The following UHMK1 variants were observed in gnomAD, a reference collection of about 807,000 sequenced individuals.
UHMK1 encodes the protein serine/threonine-protein kinase Kist.
UHMK1 carries 18 observed loss-of-function variants against 44.0 expected under a neutral mutation model. The ratio of observed to expected loss-of-function variants is 0.41; its 90% confidence interval spans 0.28 to 0.61. The LOEUF (loss-of-function observed/expected upper bound fraction) is 0.61, where lower values mean the gene tolerates loss of function less well. UHMK1 is among the 20% of genes least tolerant of loss of function. UHMK1 has a pLI of 0.31. For missense variants in UHMK1, 463 were observed against 522.5 expected (o/e 0.89, Z 1.11); for synonymous variants, 231 against 198.5 (o/e 1.16, Z -1.38).
Position 162,526,959 on chromosome 1 carries a change from TA to T in UHMK1, c.*4411del, listed in dbSNP as rs1241904024. On this transcript the variant is annotated 3_prime_UTR_variant, in exon 8 of 8. Coordinates refer to ENST00000489294, the MANE Select transcript of UHMK1 (RefSeq NM_175866.5). ...TTAGCTCAAAAGAATCCCCATTTCT[TA>T]AGGTGCTCAGTCAATCACCTTTATT... 3.9e-5 allele frequency: 6 copies of T among 152,248 alleles called. No homozygotes were observed. The highest frequency in any genetic ancestry group is 1.4e-4 in the African/African-American group (6 of 41,568). 9.4% of individuals were successfully genotyped at this position (152,248 alleles called of 1,614,324 possible). A position where few individuals can be genotyped will look rare whatever the true frequency, so the allele number is the denominator to read the frequency against.
At chr1:162,520,151 C>T (rs1652004498) in intron 7 of UHMK1, among the ~76,000 whole-genome samples, 1 of 152,204 alleles carries the variant, frequency 6.6e-6, no homozygotes, top group African/African-American at 2.4e-5. Flanking sequence ...GATTCAGTCT[C>T]CCTAAGTGCT....
chr1:162,526,949 C>G lies in UHMK1; in HGVS notation c.*4399C>G, dbSNP rs983027717. On this transcript the variant is annotated 3_prime_UTR_variant, in exon 8 of 8. Transcript: ENST00000489294. ...TTGGTCACAATTAGCTCAAAAGAAT[C>G]CCCATTTCTTAAGGTGCTCAGTCAA... 6 of 152,048 alleles carry G rather than the reference C, an allele frequency of 3.9e-5. No homozygotes were observed. Among genetic ancestry groups the G allele is most frequent in the Non-Finnish European group, 8.8e-5 (6 of 67,934 alleles). The allele number at this position is 152,048 out of a possible 1,614,324, so 9.4% of individuals were successfully genotyped here. A position where few individuals can be genotyped will look rare whatever the true frequency, so the allele number is the denominator to read the frequency against.
In UHMK1 at chr1:162,522,605, C is replaced by T; in HGVS notation, c.*55C>T. 1 of 1,571,208 alleles carries T rather than the reference C, an allele frequency of 6.4e-7. No homozygotes were observed. Among genetic ancestry groups the T allele is most frequent in the Non-Finnish European group, 8.7e-7 (1 of 1,151,714 alleles). Reference sequence around the variant, plus strand: ...TCCTCTTCCATTTCTTGGGTTATTCCACATATGAATGCAGGACTACCCCCT... The same window carrying T: ...TCCTCTTCCATTTCTTGGGTTATTCTACATATGAATGCAGGACTACCCCCT... On this transcript the variant is annotated 3_prime_UTR_variant, in exon 8 of 8. Transcript: ENST00000489294.
At chr1:162,501,222 T>C in intron 3 of UHMK1, 118 bp downstream of exon 3, 2 of 1,022,930 alleles carry the variant, frequency 2.0e-6, no homozygotes, top group Non-Finnish European at 2.8e-6. Flanking sequence ...CAGGCTGGAG[T>C]GCAGTGGCGC....
chr1:162,514,126 A>C (rs562448089), intron 6 of UHMK1, among the ~76,000 whole-genome samples: 1 of 152,092 alleles, frequency 6.6e-6, no homozygotes, highest in South Asian at 2.1e-4. Context: ...TTAAGAGTGT[A>C]GGCTTAACAA....
In UHMK1 at chr1:162,512,807, TG is replaced by T; in HGVS notation, c.1009del (p.Glu337LysfsTer8). On this transcript the variant is annotated frameshift_variant, in exon 6 of 8. Transcript: ENST00000489294. LOFTEE classifies it high-confidence loss of function. ...TGCTGGATGATGATTATCTTGAGAA[TG>T]AAGAGGAATATGAAGGTTAGTGTTT... ...NVLDDDYLENEEEYEDVVEDV... is the reference protein window; with the variant it reads ...NVLDDDYLENXEEYEDVVEDV... The T allele has an allele frequency of 1.2e-6, 2 of 1,614,166 alleles. No homozygotes were observed. The highest frequency in any genetic ancestry group is 1.7e-6 in the Non-Finnish European group (2 of 1,179,996).
At chr1:162,515,809 T>G (rs1308562411) in intron 6 of UHMK1, among the ~76,000 whole-genome samples, 1 of 151,792 alleles carries the variant, frequency 6.6e-6, no homozygotes, top group Non-Finnish European at 1.5e-5. Flanking sequence ...CCGAGGCGGA[T>G]GGATCACGAG....
At chr1:162,507,218 C>A (rs548841520) in intron 4 of UHMK1, among the ~76,000 whole-genome samples, 3 of 151,704 alleles carry the variant, frequency 2.0e-5, no homozygotes, top group Admixed American at 1.3e-4. Context: ...CCCCTGGGTT[C>A]AAGCAATTCT....
At chr1:162,519,594 G>A (rs553721054) in intron 7 of UHMK1, among the ~76,000 whole-genome samples, 125 of 152,182 alleles carry the variant, frequency 8.2e-4, no homozygotes, top group Non-Finnish European at 1.4e-3. Flanking sequence ...TGTTATCACC[G>A]CATTTTCTTT....
rs1476263042 is a variant in UHMK1 at position 162,527,315 on chromosome 1, G to A, written c.*4765G>A. On this transcript the variant is annotated 3_prime_UTR_variant, in exon 8 of 8. Coordinates refer to ENST00000489294, the MANE Select transcript of UHMK1 (RefSeq NM_175866.5). ...TAGCATGTACTTGACAAGTGCCATG[G>A]ATATTTAAGAAGAAGGTAAATAATT... is the stretch of plus-strand genomic sequence containing the variant. The A allele has an allele frequency of 6.6e-6, 1 of 151,988 alleles. No homozygotes were observed. Among genetic ancestry groups the A allele is most frequent in the African/African-American group, 2.4e-5 (1 of 41,414 alleles). The allele number at this position is 151,988 out of a possible 1,614,324, so 9.4% of individuals were successfully genotyped here. A position where few individuals can be genotyped will look rare whatever the true frequency, so the allele number is the denominator to read the frequency against.
chr1:162,522,205 A>G (rs1421262869), intron 7 of UHMK1, among the ~76,000 whole-genome samples, 199 bp from the exon 8 acceptor site: 1 of 152,220 alleles, frequency 6.6e-6, no homozygotes, highest in Non-Finnish European at 1.5e-5. Context: ...GTCCTGAAGT[A>G]TAGTTCATAG....
intron 4 of UHMK1, among the ~76,000 whole-genome samples, chr1:162,511,349 TAG>T (rs34947739): frequency 0.46 from 68,839 of 151,166 alleles, 15,695 homozygotes; most frequent in East Asian, 0.47. Context: ...AATTTTTTTG[TAG>T]AGAGAGGATC....
rs942855115 is a variant in UHMK1, at chr1:162,526,591, C to T, written c.*4041C>T. The T allele has an allele frequency of 2.0e-5, 3 of 152,014 alleles. No homozygotes were observed. The highest frequency in any genetic ancestry group is 7.2e-5 in the African/African-American group (3 of 41,406). The allele number at this position is 152,014 out of a possible 1,614,324, so 9.4% of individuals were successfully genotyped here. A position where few individuals can be genotyped will look rare whatever the true frequency, so the allele number is the denominator to read the frequency against. On this transcript the variant is annotated 3_prime_UTR_variant, in exon 8 of 8. Transcript: ENST00000489294. ...TAATTAATAGCACTTCTGCCTTTTT[C>T]CTGGAGTAACTTTTAGATTGAGTCA...
chr1:162,509,526 G>A (rs778545987), intron 4 of UHMK1, among the ~76,000 whole-genome samples: 17 of 152,118 alleles, frequency 1.1e-4, no homozygotes, highest in Non-Finnish European at 2.1e-4. Context: ...GGCTGTTTGG[G>A]TTTATTTTTT....
intron 4 of UHMK1, among the ~76,000 whole-genome samples, chr1:162,511,373 C>T (rs1034236306): frequency 6.6e-5 from 10 of 151,732 alleles, no homozygotes; most frequent in African/African-American, 2.4e-4. Context: ...TGCCATGTTG[C>T]CCAGGCTGGT....
At chr1:162,500,331 G>C in intron 2 of UHMK1, 84 bp downstream of exon 2, 1 of 1,454,688 alleles carries the variant, frequency 6.9e-7, no homozygotes, top group Non-Finnish European at 9.2e-7. Context: ...GGGTAGTTTA[G>C]TAGGGGCTTA....
At chr1:162,517,263 C>T (rs530861634) in intron 6 of UHMK1, among the ~76,000 whole-genome samples, 26 of 152,276 alleles carry the variant, frequency 1.7e-4, no homozygotes, top group African/African-American at 6.3e-4. Flanking sequence ...CGTGCCACTA[C>T]ACTCCAGCCT....
chr1:162,510,433 C>T lies in UHMK1; in HGVS notation c.849-2067C>T, dbSNP rs1242853679. On this transcript the variant is annotated intron_variant, in intron 4 of 7. Coordinates refer to ENST00000489294, the MANE Select transcript of UHMK1 (RefSeq NM_175866.5). ...ACCATTCTTCTCTCTACTTCTGTGA[C>T]ATCAACACTTTTTAGAATTCACATA... Among the ~76,000 whole-genome samples, 3 of 152,294 alleles carry T rather than the reference C, an allele frequency of 2.0e-5. No individual in the cohort carries two copies. In the East Asian group the frequency reaches 5.8e-4, roughly 29 times the overall value.
chr1:162,517,504 ATATCT>A (rs1296050303), intron 6 of UHMK1, among the ~76,000 whole-genome samples: 3 of 152,228 alleles, frequency 2.0e-5, no homozygotes, highest in African/African-American at 7.2e-5. Flanking sequence ...TAATTTGGAA[ATATCT>A]TAAAGGACAT....
Sources: gnomAD v4.1 joint callset for allele counts (sites outside exome capture counted in the v4.1 genomes callset) on GRCh38, gnomAD v4.1.1 for gene constraint, MANE v1.5 for transcripts, NCBI Gene and HGNC (gene_info 2026-07-23, HGNC 2026-07-21) for gene names.